The following PCDHA9 variants were observed in gnomAD, a reference collection of about 807,000 sequenced individuals.
PCDHA9 encodes the protein protocadherin alpha 9.
In PCDHA9, 62 loss-of-function variants were observed where a neutral mutation model predicts 62.0. The ratio of observed to expected loss-of-function variants is 1.00; its 90% confidence interval spans 0.81 to 1.23. The LOEUF (loss-of-function observed/expected upper bound fraction) is 1.23, where lower values mean the gene tolerates loss of function less well. PCDHA9 is among the 50% of genes most tolerant of loss of function. The probability of loss-of-function intolerance (pLI) is 0.00; values close to 1 mark genes in which losing one functional copy is unlikely to be tolerated. For synonymous variants in PCDHA9, 557 were observed against 567.6 expected (o/e 0.98, Z 0.27); for missense variants, 1,205 against 1,249.8 (o/e 0.96, Z 0.54).
chr5:140,912,860 G>A (rs1554195574), intron 1 of PCDHA9, among the ~76,000 whole-genome samples: 1 of 152,182 alleles, frequency 6.6e-6, no homozygotes, highest in African/African-American at 2.4e-5. Flanking sequence ...CAATTGAAAT[G>A]ATATATGGTT....
intron 1 of PCDHA9, among the ~76,000 whole-genome samples, chr5:140,895,524 G>A (rs891938988): frequency 2.3e-4 from 35 of 152,128 alleles, no homozygotes; most frequent in African/African-American, 7.2e-4. Context: ...TGGTTTATTC[G>A]TTTTTCAATT....
rs2150483646 is a variant in PCDHA9 at position 140,850,423 on chromosome 5, C to G, written c.1928C>G (p.Pro643Arg). ...TTRALDETDAPRQRLLVLVKD... is the reference protein window; with the variant it reads ...TTRALDETDARRQRLLVLVKD... ...CGTGCCCTGGACGAAACGGACGCAC[C>G]GCGCCAGCGCCTACTGGTGCTGGTG... is the stretch of plus-strand genomic sequence containing the variant. Residue 643 changes from proline to arginine, a missense_variant, in exon 1 of 4, where the codon CCG (proline) becomes CGG (arginine). Around this residue, in one of 3 missense-constraint regions of PCDHA9, gnomAD observed 887 missense variants for 809.5 expected, o/e 1.10. Transcript: ENST00000532602. 10 of 1,597,882 alleles carry G rather than the reference C, an allele frequency of 6.3e-6. 2 individuals are homozygous for G. Among genetic ancestry groups the G allele is most frequent in the Non-Finnish European group, 7.7e-6 (9 of 1,167,708 alleles).
intron 1 of PCDHA9, among the ~76,000 whole-genome samples, chr5:140,947,967 T>C (rs565128955): frequency 1.2e-4 from 18 of 151,462 alleles, no homozygotes; most frequent in Non-Finnish European, 2.2e-4. Flanking sequence ...ATTAAGTATG[T>C]GCTACTCATA....
intron 1 of PCDHA9, chr5:140,871,048 C>T (rs1472650820): frequency 6.2e-7 from 1 of 1,613,348 alleles, no homozygotes; most frequent in Non-Finnish European, 8.5e-7. Context: ...ACTTCTAGTA[C>T]TGGTGAAGGA....
At chr5:140,882,488 C>T in intron 1 of PCDHA9, 6 of 1,614,074 alleles carry the variant, frequency 3.7e-6, no homozygotes, top group South Asian at 1.1e-5. Context: ...ACACGGGGAC[C>T]TTCTGGAGGT....
intron 1 of PCDHA9, among the ~76,000 whole-genome samples, chr5:140,935,745 T>C (rs564797649): frequency 6.6e-6 from 1 of 152,324 alleles, no homozygotes; most frequent in South Asian, 2.1e-4. Flanking sequence ...TATTATTCCA[T>C]ACAATACACA....
At chr5:140,941,262 T>TTTCTCTTTCC in intron 1 of PCDHA9, among the ~76,000 whole-genome samples, 1 of 138,798 alleles carries the variant, frequency 7.2e-6, no homozygotes, top group Non-Finnish European at 1.6e-5. Context: ...TTTCTCTTTC[T>TTTCTCTTTCC]TTCTTTCTTT....
At chr5:140,867,906 T>C (rs1183238322) in intron 1 of PCDHA9, 1 of 152,148 alleles carries the variant, frequency 6.6e-6, no homozygotes, top group African/African-American at 2.4e-5. Context: ...TTACAGAAGG[T>C]ATAATTAAAA....
chr5:140,894,892 G>T (rs941698896), intron 1 of PCDHA9, among the ~76,000 whole-genome samples: 8 of 152,060 alleles, frequency 5.3e-5, no homozygotes, highest in Non-Finnish European at 1.0e-4. Flanking sequence ...AACAGACCAG[G>T]ATAATTTTCC....
chr5:140,965,678 T>C (rs937496921), intron 1 of PCDHA9, among the ~76,000 whole-genome samples: 1 of 152,182 alleles, frequency 6.6e-6, no homozygotes, highest in Non-Finnish European at 1.5e-5. Context: ...ATGTAAAAGA[T>C]TTGAAGCAAG....
chr5:141,010,373 G>A lies in PCDHA9; in HGVS notation c.*436G>A, dbSNP rs1554262916. 6.8e-7 allele frequency: 1 copy of A among 1,463,988 alleles called. No homozygotes were observed. Among genetic ancestry groups the A allele is most frequent in the Admixed American group, 2.4e-5 (1 of 41,618 alleles). The allele number at this position is 1,463,988 out of a possible 1,614,324, so 90.7% of individuals were successfully genotyped here. ...GTGTGGCTACCGCGGGTATGCGAGT[G>A]CCAGATATTGGCTGAGACGAGCCAG... On this transcript the variant is annotated 3_prime_UTR_variant, in exon 4 of 4. Coordinates refer to ENST00000532602, the MANE Select transcript of PCDHA9 (RefSeq NM_031857.2).
At chr5:140,932,028 G>A (rs1299372751) in intron 1 of PCDHA9, among the ~76,000 whole-genome samples, 1 of 151,864 alleles carries the variant, frequency 6.6e-6, no homozygotes, top group South Asian at 2.1e-4. Flanking sequence ...TAAGTTTACA[G>A]TATATATTAA....
At chr5:140,941,214 C>CTTTCTTTCTTTCTTTCTTT (rs1554214039) in intron 1 of PCDHA9, among the ~76,000 whole-genome samples, 2,124 of 122,372 alleles carry the variant, frequency 0.017, 57 homozygotes, top group East Asian at 0.032. Flanking sequence ...TTTCTTTCTT[C>CTTTCTTTCTTTCTTTCTTT]CTTTCTTTCT....
At chr5:140,941,310 CTTCT>C (rs2093024652) in intron 1 of PCDHA9, among the ~76,000 whole-genome samples, 1 of 79,250 alleles carries the variant, frequency 1.3e-5, no homozygotes, top group Non-Finnish European at 2.6e-5. Flanking sequence ...CTTTCTTTTT[CTTCT>C]TTCTCTTTTT....
intron 1 of PCDHA9, among the ~76,000 whole-genome samples, chr5:140,906,614 TTTG>T (rs1448753363): frequency 6.6e-6 from 1 of 152,208 alleles, no homozygotes; most frequent in Non-Finnish European, 1.5e-5. Flanking sequence ...CTGTATTCCC[TTTG>T]CCTTCAGCAA....
chr5:140,966,862 G>T (rs782810195), intron 1 of PCDHA9: 1 of 1,562,198 alleles, frequency 6.4e-7, no homozygotes. Context: ...TGCTGCTGTT[G>T]CTGCTGCTGC....
At chr5:140,966,505 A>C (rs2096011889) in intron 1 of PCDHA9, 2 of 427,984 alleles carry the variant, frequency 4.7e-6, no homozygotes, top group Non-Finnish European at 8.1e-6. Context: ...CTGTAGCGGC[A>C]GCAGCAGCAG....
In PCDHA9 at chr5:141,006,011, G is replaced by A. The variant is rs146101776; in HGVS notation, c.2543-3616G>A. Among the ~76,000 whole-genome samples the A allele has an allele frequency of 2.7e-3, 408 of 151,544 alleles. 2 individuals carry two copies. Among genetic ancestry groups the A allele is most frequent in the African/African-American group, 8.8e-3 (365 of 41,422 alleles). Reference sequence around the variant, plus strand: ...GAGGATCTGAAAGAAGGCCTGTATGGTTGGAGTATAATAGTAAGAGGGAGA... The same window carrying A: ...GAGGATCTGAAAGAAGGCCTGTATGATTGGAGTATAATAGTAAGAGGGAGA... On this transcript the variant is annotated intron_variant, in intron 3 of 3. Coordinates refer to ENST00000532602, the MANE Select transcript of PCDHA9 (RefSeq NM_031857.2).
chr5:140,968,257 T>A (rs781932747), intron 1 of PCDHA9: 1 of 1,614,064 alleles, frequency 6.2e-7, no homozygotes, highest in Non-Finnish European at 8.5e-7. Flanking sequence ...CAGACCCAGA[T>A]GAAAAGGAGA....
Sources: allele counts gnomAD v4.1 joint callset (sites outside exome capture counted in the v4.1 genomes callset), GRCh38; gene constraint gnomAD v4.1.1; regional missense constraint gnomAD v4.1.1; transcripts MANE v1.5; gene names NCBI Gene and HGNC (gene_info 2026-07-23, HGNC 2026-07-21).